Variants in STPG2 observed in about 807,000 individuals in gnomAD.
STPG2 encodes sperm-tail PG-rich repeat-containing protein 2.
In STPG2, 56 loss-of-function variants were observed where a neutral mutation model predicts 54.2. The ratio of observed to expected loss-of-function variants is 1.03; its 90% CI spans 0.83 to 1.29. The LOEUF (loss-of-function observed/expected upper bound fraction) is 1.29, where lower values mean the gene tolerates loss of function less well. STPG2 is among the 50% of genes most tolerant of loss of function. STPG2 has a pLI of 0.00. For synonymous variants in STPG2, 200 were observed against 181.8 expected (o/e 1.10, Z -0.81); for missense variants, 596 against 544.9 (o/e 1.09, Z -0.93).
At position 97,853,152 on chromosome 4, in the gene STPG2, A is replaced by AT. The variant is rs376120711; in HGVS notation, c.1045-12221dup. 2.8e-3 allele frequency among the ~76,000 whole-genome samples: 420 copies of AT among 151,070 alleles called. 2 individuals carry two copies. The highest frequency in any genetic ancestry group is 9.3e-3 in the African/African-American group (383 of 41,176). ...CCACCGCGCCCAGCTAATTTTTTGTATTTTTTTAGTACAGACGGGGTTTCA... is the reference window on the plus strand; with the variant it reads ...CCACCGCGCCCAGCTAATTTTTTGTATTTTTTTTAGTACAGACGGGGTTTCA... On this transcript the variant is annotated intron_variant, in intron 8 of 10. Transcript: ENST00000295268.
chr4:97,849,640 C>T (rs1430116736), intron 8 of STPG2, among the ~76,000 whole-genome samples: 1 of 152,202 alleles, frequency 6.6e-6, no homozygotes, highest in Non-Finnish European at 1.5e-5. Context: ...CAAAGGTAGA[C>T]ATTTATGCAG....
intron 6 of STPG2, among the ~76,000 whole-genome samples, chr4:97,974,698 T>C (rs1236428001): frequency 6.6e-6 from 1 of 152,196 alleles, no homozygotes; most frequent in Non-Finnish European, 1.5e-5. Flanking sequence ...TCTGCTGCCA[T>C]GTGAGATGTG....
intron 9 of STPG2, among the ~76,000 whole-genome samples, chr4:97,766,548 C>T (rs1726059716): frequency 6.6e-6 from 1 of 151,906 alleles, no homozygotes; most frequent in African/African-American, 2.4e-5. Context: ...TATTTGTAGG[C>T]CTTATCATAA....
intron 7 of STPG2, among the ~76,000 whole-genome samples, chr4:97,966,650 G>T (rs764522481): frequency 3.9e-5 from 6 of 152,140 alleles, no homozygotes; most frequent in African/African-American, 7.2e-5. Context: ...ACAAAGAGAA[G>T]CCCATCAGAC....
chr4:97,925,217 T>C (rs1271854544), intron 8 of STPG2, among the ~76,000 whole-genome samples: 1 of 152,210 alleles, frequency 6.6e-6, no homozygotes, highest in Non-Finnish European at 1.5e-5. Context: ...GCAATAGCAC[T>C]CAATCAGGAA....
chr4:97,827,236 CTTT>C (rs34545198), intron 9 of STPG2, among the ~76,000 whole-genome samples: 2 of 129,942 alleles, frequency 1.5e-5, no homozygotes, highest in Non-Finnish European at 1.6e-5. Flanking sequence ...CTATAGACAG[CTTT>C]TTTTTTTTTT....
chr4:97,610,485 C>T (rs1733703543), intron 10 of STPG2, among the ~76,000 whole-genome samples: 1 of 151,942 alleles, frequency 6.6e-6, no homozygotes, highest in South Asian at 2.1e-4. Flanking sequence ...TAACAAATTA[C>T]TAGAAAGAAG....
chr4:97,928,049 C>A (rs1732400814), intron 8 of STPG2, among the ~76,000 whole-genome samples: 1 of 152,172 alleles, frequency 6.6e-6, no homozygotes, highest in African/African-American at 2.4e-5. Flanking sequence ...TTTCAATCCT[C>A]TGGTAAGTAG....
chr4:97,905,972 C>T (rs1206355393), intron 8 of STPG2, among the ~76,000 whole-genome samples: 1 of 151,958 alleles, frequency 6.6e-6, no homozygotes, highest in African/African-American at 2.4e-5. Flanking sequence ...AAAGCAAGAG[C>T]AAACACATTC....
At chr4:97,954,646 C>G (rs1294955756) in intron 7 of STPG2, among the ~76,000 whole-genome samples, 2 of 152,030 alleles carry the variant, frequency 1.3e-5, no homozygotes, top group Non-Finnish European at 2.9e-5. Context: ...ATGAAACAAC[C>G]AAGAGGTAAA....
chr4:97,539,598 A>T (rs1417976565), intron 4 of STPG2, among the ~76,000 whole-genome samples: 2 of 152,208 alleles, frequency 1.3e-5, no homozygotes, highest in Non-Finnish European at 2.9e-5. Flanking sequence ...ATAATGGGAG[A>T]CGTTAACACC....
intron 9 of STPG2, among the ~76,000 whole-genome samples, chr4:97,816,970 TTTATA>T (rs1727937624): frequency 6.8e-6 from 1 of 147,620 alleles, no homozygotes. Context: ...TATTATATAT[TTTATA>T]TATTATATAT....
At chr4:97,677,019 A>G (rs1009352703) in intron 10 of STPG2, among the ~76,000 whole-genome samples, 1 of 152,210 alleles carries the variant, frequency 6.6e-6, no homozygotes, top group Admixed American at 6.5e-5. Flanking sequence ...TAAAGCCTTA[A>G]CAAATTTATA....
intron 10 of STPG2, among the ~76,000 whole-genome samples, chr4:97,659,392 G>A (rs1480275690): frequency 1.3e-5 from 2 of 151,906 alleles, no homozygotes; most frequent in African/African-American, 4.8e-5. Flanking sequence ...TTCAGGAGTT[G>A]TATCATTTCA....
chr4:97,499,890 G>T (rs988753518), intron 4 of STPG2, among the ~76,000 whole-genome samples: 2 of 151,992 alleles, frequency 1.3e-5, no homozygotes, highest in Non-Finnish European at 2.9e-5. Flanking sequence ...TAGAAGATGG[G>T]ATAAAAGAGT....
At chr4:98,108,386 T>C (rs555942442) in intron 4 of STPG2, among the ~76,000 whole-genome samples, 159 of 152,262 alleles carry the variant, frequency 1.0e-3, no homozygotes, top group African/African-American at 3.7e-3. Context: ...ACGTGGTATT[T>C]GTTACTCAAT....
At chr4:97,578,430 T>C (rs1291116764) in intron 10 of STPG2, among the ~76,000 whole-genome samples, 3 of 152,124 alleles carry the variant, frequency 2.0e-5, no homozygotes, top group Non-Finnish European at 2.9e-5. Flanking sequence ...GATCCAATAC[T>C]TCAATTGCAT....
intron 7 of STPG2, among the ~76,000 whole-genome samples, chr4:97,945,423 G>A (rs982626690): frequency 4.6e-5 from 7 of 152,020 alleles, no homozygotes; most frequent in Admixed American, 1.3e-4. Flanking sequence ...GTATTCCATG[G>A]TGTATATATA....
intron 8 of STPG2, among the ~76,000 whole-genome samples, chr4:97,869,437 T>C (rs915062963): frequency 6.6e-6 from 1 of 151,722 alleles, no homozygotes; most frequent in Non-Finnish European, 1.5e-5. Context: ...TTTTGGTGCA[T>C]TTTTAAACAG....
Sources: gnomAD v4.1 joint callset for allele counts (sites outside exome capture counted in the v4.1 genomes callset) on GRCh38, gnomAD v4.1.1 for gene constraint, MANE v1.5 for transcripts, NCBI Gene and HGNC (gene_info 2026-07-23, HGNC 2026-07-21) for gene names.